The following EPM2A variants were observed in gnomAD, a reference collection of about 807,000 sequenced individuals.
The protein encoded by EPM2A is laforin.
In EPM2A, 21 loss-of-function variants were observed where a neutral mutation model predicts 26.5. The ratio of observed to expected loss-of-function variants is 0.79; its 90% CI spans 0.56 to 1.14. The LOEUF is 1.14. Ranked by LOEUF, EPM2A falls within the 50% of genes most tolerant of loss-of-function variation. EPM2A has a pLI of 0.00. For synonymous variants in EPM2A, 217 were observed against 177.6 expected (o/e 1.22, Z -1.76); for missense variants, 458 against 440.8 (o/e 1.04, Z -0.35).
At chr6:145,409,749 G>T (rs900369197) in intron 4 of EPM2A, among the ~76,000 whole-genome samples, 1 of 152,098 alleles carries the variant, frequency 6.6e-6, no homozygotes, top group South Asian at 2.1e-4. Flanking sequence ...ATTTACAGGG[G>T]ATCTCATGTG....
chr6:145,472,019 G>C (rs76572273), intron 4 of EPM2A, among the ~76,000 whole-genome samples: 4 of 150,704 alleles, frequency 2.7e-5, no homozygotes, highest in African/African-American at 9.8e-5. Context: ...TGCTTGAGGA[G>C]AGGAGAGGGA....
intron 1 of EPM2A, among the ~76,000 whole-genome samples, chr6:145,711,285 A>T (rs912357950): frequency 2.0e-5 from 3 of 152,202 alleles, no homozygotes; most frequent in Admixed American, 2.0e-4. Context: ...ATGTGGCTGA[A>T]GAAATACTCA....
At chr6:145,724,032 GAAAT>G (rs1776076433) in intron 1 of EPM2A, among the ~76,000 whole-genome samples, 1 of 152,136 alleles carries the variant, frequency 6.6e-6, no homozygotes, top group African/African-American at 2.4e-5. Flanking sequence ...ACAAAGTGAG[GAAAT>G]CTTGGGGCAC....
At chr6:145,557,489 TAAAGGGTC>T (rs1260868358) in intron 2 of EPM2A, among the ~76,000 whole-genome samples, 1 of 152,082 alleles carries the variant, frequency 6.6e-6, no homozygotes, top group African/African-American at 2.4e-5. Context: ...ATCTCAAGAC[TAAAGGGTC>T]ATGTTACCTT....
chr6:145,584,115 T>C (rs920600007), intron 2 of EPM2A, among the ~76,000 whole-genome samples: 1 of 152,206 alleles, frequency 6.6e-6, no homozygotes, highest in African/African-American at 2.4e-5. Flanking sequence ...TTCACCCATG[T>C]GCGTGCATCG....
intron 4 of EPM2A, among the ~76,000 whole-genome samples, chr6:145,477,667 G>A (rs1779559358): frequency 1.3e-5 from 2 of 151,798 alleles, no homozygotes; most frequent in African/African-American, 4.8e-5. Flanking sequence ...TTAATCAAAT[G>A]AGGGATAAAA....
At chr6:145,603,232 T>G (rs1465883421) in intron 2 of EPM2A, among the ~76,000 whole-genome samples, 1 of 152,118 alleles carries the variant, frequency 6.6e-6, no homozygotes, top group Non-Finnish European at 1.5e-5. Context: ...AAATTCTTTT[T>G]TCTGCACAAA....
At chr6:145,573,529 G>C (rs1780987748) in intron 2 of EPM2A, among the ~76,000 whole-genome samples, 1 of 152,228 alleles carries the variant, frequency 6.6e-6, no homozygotes, top group African/African-American at 2.4e-5. Flanking sequence ...TGGGAGAGTT[G>C]AACAGGGATG....
At chr6:145,654,397 T>G (rs1778110464) in intron 2 of EPM2A, among the ~76,000 whole-genome samples, 1 of 152,144 alleles carries the variant, frequency 6.6e-6, no homozygotes, top group East Asian at 1.9e-4. Context: ...GTCAGGCTGG[T>G]GTAATCATAA....
intron 2 of EPM2A, among the ~76,000 whole-genome samples, chr6:145,591,758 A>T (rs1384275923): frequency 6.6e-6 from 1 of 152,074 alleles, no homozygotes; most frequent in Non-Finnish European, 1.5e-5. Flanking sequence ...AAAGGAAGAG[A>T]TACATTTGTT....
At chr6:145,476,147 C>T (rs1242192902) in intron 4 of EPM2A, among the ~76,000 whole-genome samples, 1 of 151,974 alleles carries the variant, frequency 6.6e-6, no homozygotes, top group Non-Finnish European at 1.5e-5. Flanking sequence ...AAATAGATTT[C>T]AAGACAAAAA....
intron 2 of EPM2A, among the ~76,000 whole-genome samples, chr6:145,656,160 C>A (rs1395490884): frequency 6.6e-6 from 1 of 152,210 alleles, no homozygotes; most frequent in Non-Finnish European, 1.5e-5. Flanking sequence ...TGACTAGAGA[C>A]ATACAGCACT....
chr6:145,518,962 T>A (rs567924242), intron 2 of EPM2A, among the ~76,000 whole-genome samples: 37 of 152,152 alleles, frequency 2.4e-4, no homozygotes, highest in African/African-American at 8.7e-4. Flanking sequence ...AAGAGTAAAG[T>A]TTGAGTCCAA....
chr6:145,488,522 T>TGAGA (rs200590979), intron 4 of EPM2A, among the ~76,000 whole-genome samples: 129 of 139,998 alleles, frequency 9.2e-4, no homozygotes, highest in African/African-American at 3.2e-3. Context: ...TGTGTGTGTG[T>TGAGA]GAGAGAGAGA....
downstream of EPM2A, among the ~76,000 whole-genome samples, chr6:145,622,176 A>G (rs1454932988): frequency 6.6e-6 from 1 of 152,176 alleles, no homozygotes; most frequent in African/African-American, 2.4e-5. Flanking sequence ...ATGTTGGTAT[A>G]ATGCCTGATA....
chr6:145,563,121 G>C (rs1020873768), intron 2 of EPM2A, among the ~76,000 whole-genome samples: 3 of 151,746 alleles, frequency 2.0e-5, no homozygotes, highest in African/African-American at 4.8e-5. Flanking sequence ...ATTTTGTGTT[G>C]CAGTTAGAGG....
intron 1 of EPM2A, among the ~76,000 whole-genome samples, chr6:145,714,556 G>T (rs1253160764): frequency 6.6e-6 from 1 of 152,198 alleles, no homozygotes; most frequent in Non-Finnish European, 1.5e-5. Flanking sequence ...AAAGACAAGT[G>T]TATTAGTCCA....
rs1027353045 is a variant in EPM2A at position 145,583,648 on chromosome 6, T to G, written c.340+51597A>C. Among the ~76,000 whole-genome samples, 8 of 152,324 alleles carry G rather than the reference T, an allele frequency of 5.3e-5. No individual in the cohort carries two copies. In the South Asian group the frequency reaches 1.5e-3, roughly 28 times the overall value. On this transcript the variant is annotated intron_variant, in intron 2 of 3. Transcript: ENST00000450221. Reference sequence around the variant, plus strand: ...GGCATGGGATCCATGCTTGCTCACATGTGACAGCAGCCATGGTGGCAAAGT... The same window carrying G: ...GGCATGGGATCCATGCTTGCTCACAGGTGACAGCAGCCATGGTGGCAAAGT...
chr6:145,698,146 C>T (rs1436674673), intron 1 of EPM2A, among the ~76,000 whole-genome samples: 4 of 152,192 alleles, frequency 2.6e-5, no homozygotes, highest in East Asian at 3.8e-4. Flanking sequence ...CCAGTCCCTC[C>T]GTTCAGGGTC....
Sources: gnomAD v4.1 joint callset for allele counts (sites outside exome capture counted in the v4.1 genomes callset) on GRCh38, gnomAD v4.1.1 for gene constraint, MANE v1.5 for transcripts, NCBI Gene and HGNC (gene_info 2026-07-23, HGNC 2026-07-21) for gene names.